The following DCC variants were observed in gnomAD, a reference collection of about 807,000 sequenced individuals.
DCC encodes DCC netrin 1 receptor, also known as netrin receptor DCC.
DCC carries 58 observed loss-of-function variants against 172.5 expected under a neutral mutation model. The observed-to-expected ratio is 0.34, with a 90% CI of 0.27 to 0.42. The LOEUF is 0.42. Among genes scored for constraint, DCC ranks in the 10% least tolerant of loss-of-function variants. The pLI, the probability that DCC is intolerant of heterozygous loss-of-function variation, is 1.00. For missense variants in DCC, 1,740 were observed against 1,791.0 expected, an observed-to-expected ratio of 0.97 and a Z score of 0.51; for synonymous variants, 709 against 644.5, an observed-to-expected ratio of 1.10 and a Z score of -1.52.
At chr18:53,246,435 G>C (rs2056365667) in intron 12 of DCC, among the ~76,000 whole-genome samples, 1 of 151,708 alleles carries the variant, frequency 6.6e-6, no homozygotes, top group Admixed American at 6.6e-5. Context: ...TTGGATCTGA[G>C]AAAGGGTCAG....
intron 27 of DCC, among the ~76,000 whole-genome samples, chr18:53,520,116 G>T: frequency 6.6e-6 from 1 of 152,082 alleles, no homozygotes; most frequent in Non-Finnish European, 1.5e-5. Context: ...AAAAAAACCA[G>T]TTAGTCTCCC....
intron 3 of DCC, 24 bp from the exon 4 acceptor site, chr18:52,923,683 T>C: frequency 1.3e-6 from 2 of 1,560,122 alleles, no homozygotes; most frequent in Non-Finnish European, 1.8e-6. Flanking sequence ...ATATATCATA[T>C]GATACTGTGT....
intron 2 of DCC, among the ~76,000 whole-genome samples, chr18:52,885,002 C>G (rs1223174854): frequency 6.6e-6 from 1 of 152,116 alleles, no homozygotes; most frequent in African/African-American, 2.4e-5. Context: ...CTTACTTTGT[C>G]TCAAACGAAA....
intron 25 of DCC, among the ~76,000 whole-genome samples, chr18:53,477,009 A>AAAAT (rs2045771293): frequency 6.6e-6 from 1 of 152,152 alleles, no homozygotes; most frequent in Admixed American, 6.6e-5. Flanking sequence ...AGTTAATTTT[A>AAAAT]AAATATTTTT....
intron 1 of DCC, among the ~76,000 whole-genome samples, chr18:52,583,495 A>C (rs1238491915): frequency 6.6e-6 from 1 of 152,212 alleles, no homozygotes; most frequent in African/African-American, 2.4e-5. Context: ...AGAAGAATAT[A>C]TCTCTTTCTA....
chr18:52,749,436 A>G (rs1173465525), intron 1 of DCC, among the ~76,000 whole-genome samples: 1 of 152,220 alleles, frequency 6.6e-6, no homozygotes, highest in African/African-American at 2.4e-5. Flanking sequence ...AAAGGAGACC[A>G]ATAGAATCAT....
intron 19 of DCC, among the ~76,000 whole-genome samples, chr18:53,404,377 A>G (rs1204158383): frequency 8.6e-6 from 1 of 116,620 alleles, no homozygotes. Flanking sequence ...TAACTCTGGA[A>G]GAAAGCTTAA....
At chr18:52,786,565 T>C (rs1177024411) in intron 2 of DCC, among the ~76,000 whole-genome samples, 1 of 152,130 alleles carries the variant, frequency 6.6e-6, no homozygotes, top group Non-Finnish European at 1.5e-5. Context: ...TGGTTATTTC[T>C]ACATAGCTCT....
At chr18:52,925,098 T>G (rs2040180726) in intron 4 of DCC, 136 bp from the exon 5 acceptor site, 2 of 858,072 alleles carry the variant, frequency 2.3e-6, no homozygotes, top group Non-Finnish European at 3.8e-6. Flanking sequence ...AGTGAGACTT[T>G]AATCAAGCCC....
intron 19 of DCC, among the ~76,000 whole-genome samples, chr18:53,410,092 A>G (rs1444695272): frequency 3.9e-5 from 6 of 152,158 alleles, no homozygotes; most frequent in Non-Finnish European, 5.9e-5. Flanking sequence ...TATTTTCATC[A>G]TTGGACTACA....
At chr18:53,353,107 G>A (rs7235844) in intron 15 of DCC, among the ~76,000 whole-genome samples, 16,112 of 151,752 alleles carry the variant, frequency 0.11, 922 homozygotes, top group Middle Eastern at 0.2. Context: ...GAGAAATCTC[G>A]TTTCTACTAA....
chr18:52,456,612 G>C (rs1025429843), intron 1 of DCC, among the ~76,000 whole-genome samples: 1 of 152,128 alleles, frequency 6.6e-6, no homozygotes, highest in African/African-American at 2.4e-5. Flanking sequence ...TAGGCCCAAT[G>C]TATGACATGA....
intron 5 of DCC, among the ~76,000 whole-genome samples, chr18:53,037,804 C>T (rs1390218498): frequency 6.8e-6 from 1 of 147,270 alleles, no homozygotes; most frequent in Admixed American, 6.7e-5. Flanking sequence ...AGACTCACTT[C>T]TTCTGTAAAA....
At chr18:53,118,703 T>C (rs1378519112) in intron 7 of DCC, among the ~76,000 whole-genome samples, 1 of 151,718 alleles carries the variant, frequency 6.6e-6, no homozygotes, top group Non-Finnish European at 1.5e-5. Context: ...CATTATTACA[T>C]CGAAACCCCA....
intron 5 of DCC, among the ~76,000 whole-genome samples, chr18:53,048,248 T>C (rs2042285001): frequency 6.6e-6 from 1 of 151,740 alleles, no homozygotes; most frequent in African/African-American, 2.4e-5. Context: ...AATAGGTATT[T>C]TTTTTTTTCT....
chr18:52,694,808 T>C (rs1678293217), intron 1 of DCC, among the ~76,000 whole-genome samples: 1 of 152,166 alleles, frequency 6.6e-6, no homozygotes, highest in South Asian at 2.1e-4. Context: ...TGCCCAAATT[T>C]ATCTGTAAAG....
chr18:52,763,876 ATTTG>A (rs2037201321), intron 2 of DCC, among the ~76,000 whole-genome samples: 1 of 152,240 alleles, frequency 6.6e-6, no homozygotes, highest in Non-Finnish European at 1.5e-5. Flanking sequence ...ATCTTCCTAT[ATTTG>A]TTCTTACAGA....
intron 1 of DCC, among the ~76,000 whole-genome samples, chr18:52,414,367 A>T (rs1011749590): frequency 6.6e-6 from 1 of 152,196 alleles, no homozygotes; most frequent in Non-Finnish European, 1.5e-5. Flanking sequence ...TACAGGCATG[A>T]GGAAATGAGA....
chr18:53,014,905 C>T (rs2041787232), intron 5 of DCC, among the ~76,000 whole-genome samples: 1 of 152,092 alleles, frequency 6.6e-6, no homozygotes, highest in Admixed American at 6.5e-5. Context: ...TTGACATCTC[C>T]ATTTAATTTA....
Sources: allele counts gnomAD v4.1 joint callset (sites outside exome capture counted in the v4.1 genomes callset), GRCh38; gene constraint gnomAD v4.1.1; transcripts MANE v1.5; gene names NCBI Gene and HGNC (gene_info 2026-07-23, HGNC 2026-07-21).